The following PPIA variants were observed in gnomAD, a reference collection of about 807,000 sequenced individuals.
The protein encoded by PPIA is peptidylprolyl isomerase A, also known as peptidyl-prolyl cis-trans isomerase A.
Under a neutral mutation model 15.3 loss-of-function variants are expected in PPIA, and 2 were observed. The observed-to-expected ratio is 0.13, with a 90% confidence interval of 0.05 to 0.41. PPIA has a LOEUF of 0.41. PPIA is among the 10% of genes least tolerant of loss of function. PPIA has a pLI of 0.99. For synonymous variants in PPIA, 67 were observed against 73.1 expected (o/e 0.92, Z 0.43); for missense variants, 103 against 210.3 (o/e 0.49, Z 3.16).
chr7:44,800,170 C>T (rs1393571619), intron 4 of PPIA, among the ~76,000 whole-genome samples: 1 of 152,150 alleles, frequency 6.6e-6, no homozygotes, highest in East Asian at 1.9e-4. Flanking sequence ...CTCACTGCAA[C>T]CTCTGCCTCC....
Position 44,799,483 on chromosome 7 carries a change from A to G in PPIA, c.189+3A>G. 1 of 1,610,440 alleles carries G rather than the reference A, an allele frequency of 6.2e-7. No individual in the cohort carries two copies. Among genetic ancestry groups the G allele is most frequent in the Non-Finnish European group, 8.5e-7 (1 of 1,178,974 alleles). On this transcript the variant is annotated splice_donor_region_variant and intron_variant, in intron 3 of 4. Coordinates refer to ENST00000468812, the MANE Select transcript of PPIA (RefSeq NM_021130.5). ...TTATTCCAGGGTTTATGTGTCAGGT[A>G]CGAAATTTACTGAATTTTATTTTAT...
chr7:44,796,885 G>C, intron 1 of PPIA, 92 bp downstream of exon 1: 1 of 1,376,090 alleles, frequency 7.3e-7, no homozygotes, highest in Non-Finnish European at 9.8e-7. Context: ...GGCGCGGGGC[G>C]ACCCTGCTTG....
Position 44,802,213 on chromosome 7 carries a change from A to C in PPIA, c.*791A>C, listed in dbSNP as rs547925179. 1.4e-5 allele frequency: 2 copies of C among 139,498 alleles called. No homozygotes were observed. The highest frequency in any genetic ancestry group is 7.8e-5 in the Admixed American group (1 of 12,796). 8.6% of individuals were successfully genotyped at this position (139,498 alleles called of 1,614,324 possible). A position where few individuals can be genotyped will look rare whatever the true frequency, so the allele number is the denominator to read the frequency against. On this transcript the variant is annotated 3_prime_UTR_variant, in exon 5 of 5. Coordinates refer to ENST00000468812, the MANE Select transcript of PPIA (RefSeq NM_021130.5). Reference sequence around the variant, plus strand: ...TTTTCCCCTGGAATGCAGTGGCGTGATCTCAGCTCACTGCAGCCTCCGCCT... The same window carrying C: ...TTTTCCCCTGGAATGCAGTGGCGTGCTCTCAGCTCACTGCAGCCTCCGCCT...
rs532899916 is a variant in PPIA, at chr7:44,799,863, C to T, written c.351C>T (p.Ala117=). 36 of 1,610,994 alleles carry T rather than the reference C, an allele frequency of 2.2e-5. No individual in the cohort carries two copies. The South Asian group carries it at 3.1e-4, about 14-fold the overall frequency. The change falls in exon 4 of 5, where the codon GCC becomes GCT. Residue 117 remains alanine (A), a synonymous_variant. Coordinates refer to ENST00000468812, the MANE Select transcript of PPIA (RefSeq NM_021130.5). ...TNGSQFFICT[A]KTEWLDGKHV... ...GTTCCCAGTTTTTCATCTGCACTGCCAAGACTGAGTGGTAAGGGTACAACA... is the reference window on the plus strand; with the variant it reads ...GTTCCCAGTTTTTCATCTGCACTGCTAAGACTGAGTGGTAAGGGTACAACA...
Position 44,801,683 on chromosome 7 carries a change from G to T in PPIA, c.*261G>T, listed in dbSNP as rs2116991872. The T allele has an allele frequency of 1.1e-5, 4 of 355,988 alleles. No homozygotes were observed. The highest frequency in any genetic ancestry group is 8.4e-4 in the Middle Eastern group (1 of 1,186). The allele number at this position is 355,988 out of a possible 1,614,324, so 22.1% of individuals were successfully genotyped here. A position where few individuals can be genotyped will look rare whatever the true frequency, so the allele number is the denominator to read the frequency against. ...GTAGGCTTTATTTTAAGCAGTAATGGGTTACTTCTGAAACATCACTTGTTT... is the reference window on the plus strand; with the variant it reads ...GTAGGCTTTATTTTAAGCAGTAATGTGTTACTTCTGAAACATCACTTGTTT... On this transcript the variant is annotated 3_prime_UTR_variant, in exon 5 of 5. Coordinates refer to ENST00000468812, the MANE Select transcript of PPIA (RefSeq NM_021130.5).
At position 44,802,584 on chromosome 7, in the gene PPIA, C is replaced by T. The variant is rs541282758; in HGVS notation, c.*1162C>T. 6.6e-6 allele frequency: 1 copy of T among 152,242 alleles called. No individual in the cohort carries two copies. Among genetic ancestry groups the T allele is most frequent in the South Asian group, 2.1e-4 (1 of 4,822 alleles). The allele number at this position is 152,242 out of a possible 1,614,324, so 9.4% of individuals were successfully genotyped here. A position where few individuals can be genotyped will look rare whatever the true frequency, so the allele number is the denominator to read the frequency against. ...TATGTAGAGTCTAAAAAGCCAGGTA[C>T]TTGGTGCTACAGTCAGTCTCCCTGC... On this transcript the variant is annotated 3_prime_UTR_variant, in exon 5 of 5. Transcript: ENST00000468812.
At chr7:44,801,151 C>G in intron 4 of PPIA, 136 bp from the exon 5 acceptor site, 1 of 1,061,228 alleles carries the variant, frequency 9.4e-7, no homozygotes, top group South Asian at 1.5e-5. Context: ...ATTGGAGAAT[C>G]ATGTTTAATG....
chr7:44,800,484 ACCT>A (rs1164874656), intron 4 of PPIA: 1 of 152,158 alleles, frequency 6.6e-6, no homozygotes. Flanking sequence ...GCTCACTGCA[ACCT>A]CCTCCCGGGT....
chr7:44,799,018 T>A (rs1323364089), intron 1 of PPIA: 1 of 1,167,530 alleles, frequency 8.6e-7, no homozygotes, highest in Non-Finnish European at 1.1e-6. Context: ...AGTCTCACTA[T>A]TTAAGTTATG....
intron 3 of PPIA, 109 bp from the exon 4 acceptor site, chr7:44,799,593 T>C: frequency 6.3e-7 from 1 of 1,576,524 alleles, no homozygotes; most frequent in Non-Finnish European, 8.7e-7. Flanking sequence ...TTCGGTTCTA[T>C]TTAACCCTTC....
Position 44,799,687 on chromosome 7 carries a change from C to G in PPIA, c.190-15C>G. ...TTATGTTGTCAGAAGTGACATTTTT[C>G]CTATATGTTGACAGGGTGGTGACTT... On this transcript the variant is annotated splice_polypyrimidine_tract_variant and intron_variant, in intron 3 of 4. Transcript: ENST00000468812. 5 of 1,613,796 alleles carry G rather than the reference C, an allele frequency of 3.1e-6. No homozygotes were observed. The highest frequency in any genetic ancestry group is 4.2e-6 in the Non-Finnish European group (5 of 1,179,800).
chr7:44,799,855 T>A lies in PPIA; in HGVS notation c.343T>A (p.Cys115Ser). ...PNTNGSQFFI[C>S]TAKTEWLDGK... The stretch of plus-strand genomic sequence containing the variant: ...CACAAATGGTTCCCAGTTTTTCATC[T>A]GCACTGCCAAGACTGAGTGGTAAGG... The change falls in exon 4 of 5, where the codon TGC (cysteine) becomes AGC (serine). Residue 115 changes from cysteine (C) to serine (S), a missense_variant. Coordinates refer to ENST00000468812, the MANE Select transcript of PPIA (RefSeq NM_021130.5). 6.2e-7 allele frequency: 1 copy of A among 1,611,860 alleles called. No homozygotes were observed. The highest frequency in any genetic ancestry group is 8.5e-7 in the Non-Finnish European group (1 of 1,179,988).
In PPIA at chr7:44,799,900, C is replaced by T. The variant is rs138811894; in HGVS notation, c.362+26C>T. ...GTAAGGGTACAACATGGCACACTAA[C>T]CACCTGACTAAATGAAAAGTTGCCC... On this transcript the variant is annotated intron_variant, in intron 4 of 4. Transcript: ENST00000468812. The T allele has an allele frequency of 2.5e-6, 4 of 1,601,732 alleles. No individual in the cohort carries two copies. The Admixed American group carries it at 5.0e-5, about 20-fold the overall frequency.
At chr7:44,797,599 A>T (rs760847647) in intron 1 of PPIA, among the ~76,000 whole-genome samples, 1 of 152,134 alleles carries the variant, frequency 6.6e-6, no homozygotes, top group Non-Finnish European at 1.5e-5. Flanking sequence ...GACTGGCCAC[A>T]AGGCAGGCCT....
chr7:44,799,092 C>T (rs1792466477), intron 1 of PPIA, 155 bp from the exon 2 acceptor site: 15 of 1,091,880 alleles, frequency 1.4e-5, no homozygotes, highest in Non-Finnish European at 1.8e-5. Flanking sequence ...GCCTGCAGGG[C>T]CTTATGGCTG....
intron 4 of PPIA, 152 bp from the exon 5 acceptor site, chr7:44,801,135 A>G: frequency 1.0e-6 from 1 of 978,520 alleles, no homozygotes. Context: ...TAACTCTTTA[A>G]TGGTAATTGG....
intron 1 of PPIA, chr7:44,797,848 T>G (rs897951307): frequency 3.3e-5 from 5 of 152,232 alleles, no homozygotes; most frequent in Admixed American, 1.3e-4. Flanking sequence ...ATGGCTAGTT[T>G]GGGATCTTAT....
chr7:44,800,796 GA>G (rs771092597), intron 4 of PPIA, among the ~76,000 whole-genome samples: 35 of 151,922 alleles, frequency 2.3e-4, no homozygotes, highest in African/African-American at 3.6e-4. Context: ...GTTTTTGGGG[GA>G]GGGGGGCGCA....
At chr7:44,796,855 G>A in intron 1 of PPIA, 62 bp downstream of exon 1, 1 of 1,524,180 alleles carries the variant, frequency 6.6e-7, no homozygotes, top group Non-Finnish European at 8.9e-7. Flanking sequence ...CGGGGTGGGT[G>A]GTAGCGCCCC....
Sources: gnomAD v4.1 joint callset for allele counts (sites outside exome capture counted in the v4.1 genomes callset) on GRCh38, gnomAD v4.1.1 for gene constraint, MANE v1.5 for transcripts, NCBI Gene and HGNC (gene_info 2026-07-23, HGNC 2026-07-21) for gene names.